UBE2D3: variants seen among roughly 807,000 people sequenced by gnomAD.
The protein encoded by UBE2D3 is ubiquitin conjugating enzyme E2 D3.
UBE2D3 carries 2 observed loss-of-function variants against 22.8 expected under a neutral mutation model. The ratio of observed to expected loss-of-function variants is 0.09; its 90% CI spans 0.04 to 0.28. The LOEUF is 0.28. UBE2D3 is among the 10% of genes least tolerant of loss of function. UBE2D3 has a pLI of 1.00. For synonymous variants in UBE2D3, 56 were observed against 60.4 expected, an observed-to-expected ratio of 0.93 and a Z score of 0.34; for missense variants, 27 against 182.5, an observed-to-expected ratio of 0.15 and a Z score of 4.91.
intron 2 of UBE2D3, among the ~76,000 whole-genome samples, chr4:102,815,879 GTTC>G (rs780260380): frequency 1.1e-4 from 17 of 152,108 alleles, no homozygotes; most frequent in Non-Finnish European, 1.8e-4. Flanking sequence ...TAAAAATGCT[GTTC>G]TTATTTCACC....
chr4:102,820,783 A>C (rs10033243), intron 2 of UBE2D3, among the ~76,000 whole-genome samples: 15,673 of 152,226 alleles, frequency 0.1, 870 homozygotes, highest in East Asian at 0.13. Flanking sequence ...ACAGCTGCCC[A>C]GTAGTAGAAA....
Position 102,816,205 on chromosome 4 carries a change from T to C in UBE2D3, c.25-6350A>G, listed in dbSNP as rs535430483. 3.5e-4 allele frequency among the ~76,000 whole-genome samples: 53 copies of C among 152,320 alleles called. No homozygotes were observed. The South Asian group carries it at 0.01, about 29-fold the overall frequency. On this transcript the variant is annotated intron_variant, in intron 2 of 7. Coordinates refer to ENST00000453744, the MANE Select transcript of UBE2D3 (RefSeq NM_181891.3). The stretch of plus-strand genomic sequence containing the variant: ...TGGGTCAGCCATCATTAACCAATTA[T>C]TTGGACATGACTAACCACAGAATTT...
chr4:102,825,481 AT>A, intron 2 of UBE2D3: 1 of 1,155,704 alleles, frequency 8.7e-7, no homozygotes, highest in Non-Finnish European at 1.1e-6. Context: ...AATTCACATT[AT>A]TACGAAAGGA....
intron 1 of UBE2D3, among the ~76,000 whole-genome samples, chr4:102,859,765 C>T (rs223344): frequency 0.54 from 81,453 of 151,142 alleles, 23,010 homozygotes; most frequent in African/African-American, 0.68. Context: ...TTGATTCTTC[C>T]TTCTGCTTGA....
At chr4:102,848,656 A>G (rs536022232) in intron 1 of UBE2D3, among the ~76,000 whole-genome samples, 1 of 152,122 alleles carries the variant, frequency 6.6e-6, no homozygotes, top group African/African-American at 2.4e-5. Context: ...ATAAATGAAT[A>G]AAAAATAAAT....
At chr4:102,837,065 C>T (rs960224267) in intron 1 of UBE2D3, 2 of 152,100 alleles carry the variant, frequency 1.3e-5, no homozygotes, top group African/African-American at 4.8e-5. Flanking sequence ...TTGGGTGAAA[C>T]CTGCTAGACA....
intron 1 of UBE2D3, among the ~76,000 whole-genome samples, chr4:102,867,177 G>A (rs1483566662): frequency 6.6e-6 from 1 of 152,030 alleles, no homozygotes; most frequent in African/African-American, 2.4e-5. Flanking sequence ...CTAGATTTTG[G>A]TCAACTCTAT....
At chr4:102,818,600 G>C (rs1729103389) in intron 2 of UBE2D3, among the ~76,000 whole-genome samples, 1 of 152,148 alleles carries the variant, frequency 6.6e-6, no homozygotes, top group African/African-American at 2.4e-5. Flanking sequence ...CCTATTTCCT[G>C]AAGACCTGGT....
chr4:102,848,164 T>C lies in UBE2D3; in HGVS notation c.-129+20551A>G, dbSNP rs1732145372. On this transcript the variant is annotated intron_variant, in intron 1 of 7. Transcript: ENST00000338145. ...ATAATTACTATGGTTATCATGGTGA[T>C]ACACTCCTCACCTGCTTCACTTGAT... 2.0e-5 allele frequency among the ~76,000 whole-genome samples: 3 copies of C among 152,282 alleles called. No individual in the cohort carries two copies. In the South Asian group the frequency reaches 6.2e-4, roughly 32 times the overall value.
intron 1 of UBE2D3, among the ~76,000 whole-genome samples, chr4:102,841,364 T>C (rs1731745435): frequency 6.6e-6 from 1 of 152,176 alleles, no homozygotes; most frequent in African/African-American, 2.4e-5. Context: ...CTGAACATCT[T>C]GACTATTTAA....
intron 2 of UBE2D3, among the ~76,000 whole-genome samples, chr4:102,815,729 C>A (rs1229527263): frequency 6.6e-5 from 10 of 152,020 alleles, no homozygotes; most frequent in Admixed American, 5.9e-4. Flanking sequence ...GCCTTACTTT[C>A]GAAGTTCTCC....
At chr4:102,800,265 C>G (rs75702912) in intron 6 of UBE2D3, among the ~76,000 whole-genome samples, 23 of 149,590 alleles carry the variant, frequency 1.5e-4, no homozygotes, top group African/African-American at 5.6e-4. Flanking sequence ...AAAGACAACA[C>G]TGTCACATAT....
chr4:102,794,579 G>A lies in UBE2D3; in HGVS notation c.*2836C>T, dbSNP rs1725070575. Reference sequence around the variant, plus strand: ...TTATGCCAACACAAAACATGGCTGAGTTACCCCCCTCCCCGCCCAAATTAC... The same window carrying A: ...TTATGCCAACACAAAACATGGCTGAATTACCCCCCTCCCCGCCCAAATTAC... On this transcript the variant is annotated 3_prime_UTR_variant, in exon 8 of 8. Transcript: ENST00000453744. 1 of 151,360 alleles carries A rather than the reference G, an allele frequency of 6.6e-6. No homozygotes were observed. Among genetic ancestry groups the A allele is most frequent in the Non-Finnish European group, 1.5e-5 (1 of 67,850 alleles). The allele number at this position is 151,360 out of a possible 1,614,324, so 9.4% of individuals were successfully genotyped here.
rs1020963673 is a variant in UBE2D3, at chr4:102,859,830, T to C, written c.-129+8885A>G. 6.4e-4 allele frequency among the ~76,000 whole-genome samples: 97 copies of C among 150,864 alleles called. 1 individual carries two copies. The highest frequency in any genetic ancestry group is 2.3e-3 in the African/African-American group (94 of 41,396). On this transcript the variant is annotated intron_variant, in intron 1 of 7. Coordinates refer to the UBE2D3 transcript ENST00000338145. ...ATTTTTCAGTTCAGTTATTGTGTTC[T>C]TTAGTTTCAGAATTTGATTTGTTTT...
chr4:102,832,880 C>A (rs544882606), intron 1 of UBE2D3, among the ~76,000 whole-genome samples: 1 of 151,918 alleles, frequency 6.6e-6, no homozygotes, highest in South Asian at 2.1e-4. Context: ...TGCCTGTGGT[C>A]CCAGCTGCTC....
intron 1 of UBE2D3, among the ~76,000 whole-genome samples, chr4:102,842,993 C>G (rs1189054006): frequency 4.1e-5 from 6 of 144,680 alleles, no homozygotes; most frequent in Non-Finnish European, 1.5e-5. Flanking sequence ...GCTTGTAATC[C>G]CAGCTACTCA....
At chr4:102,840,980 A>G (rs539522318) in intron 1 of UBE2D3, among the ~76,000 whole-genome samples, 68 of 152,010 alleles carry the variant, frequency 4.5e-4, no homozygotes, top group African/African-American at 1.5e-3. Flanking sequence ...AGATCATGCC[A>G]CTGCACTCCA....
intron 1 of UBE2D3, chr4:102,836,956 G>A (rs557092042): frequency 1.3e-5 from 2 of 152,292 alleles, no homozygotes; most frequent in South Asian, 2.1e-4. Flanking sequence ...ATACCTGGAG[G>A]AATATGAAAA....
At chr4:102,808,047 A>G (rs1459783902) in intron 4 of UBE2D3, among the ~76,000 whole-genome samples, 1 of 152,228 alleles carries the variant, frequency 6.6e-6, no homozygotes, top group African/African-American at 2.4e-5. Flanking sequence ...CTTTATTTTA[A>G]GGCATTTTAT....
Sources: allele counts gnomAD v4.1 joint callset (sites outside exome capture counted in the v4.1 genomes callset), GRCh38; gene constraint gnomAD v4.1.1; transcripts MANE v1.5; gene names NCBI Gene and HGNC (gene_info 2026-07-23, HGNC 2026-07-21).